The following FAM3A variants were observed in gnomAD, a reference collection of about 807,000 sequenced individuals.
The protein encoded by FAM3A is protein FAM3A.
In FAM3A, 5 loss-of-function variants were observed where a neutral mutation model predicts 18.1. The observed-to-expected ratio is 0.28, with a 90% confidence interval of 0.14 to 0.58. FAM3A has a LOEUF of 0.58. Ranked by LOEUF, FAM3A falls within the 20% of genes least tolerant of loss-of-function variation. FAM3A has a pLI of 0.91. For synonymous variants in FAM3A, 108 were observed against 90.2 expected (o/e 1.20, Z -1.12); for missense variants, 154 against 216.6 (o/e 0.71, Z 1.81).
chrX:154,512,236 T>C (rs2069919125), intron 2 of FAM3A: 1 of 6,267 alleles, frequency 1.6e-4, no homozygotes, highest in Non-Finnish European at 2.9e-4. Context: ...ACAATAATAA[T>C]AATAATAATA....
Position 154,512,892 on chromosome X carries a change from A to G in FAM3A, c.58T>C (p.Trp20Arg), listed in dbSNP as rs1207168146. The G allele has an allele frequency of 1.7e-6, 2 of 1,209,784 alleles. No homozygotes were observed. The highest frequency in any genetic ancestry group is 2.2e-6 in the Non-Finnish European group (2 of 894,713). The change falls in exon 2 of 9, where the codon TGG (tryptophan) becomes CGG (arginine). Residue 20 changes from tryptophan (W) to arginine (R), a missense_variant. By Grantham distance (101) the Trp-to-Arg change is moderately radical (BLOSUM62 -3). This residue lies in a region of FAM3A where 112 missense variants were observed against 160.0 expected (regional missense o/e 0.70). Coordinates refer to ENST00000447601, the MANE Select transcript of FAM3A (RefSeq NM_021806.4). ...VVLVVSVGVT[W>R]IVVSILLGGP... is the part of the protein sequence containing the mutation. The stretch of plus-strand genomic sequence containing the variant: ...CCCAGGAGGATGCTGACCACGATCC[A>G]TGTGACACCCACACTGACGACTAGG...
At chrX:154,507,356 G>C (rs370377808) in intron 7 of FAM3A, 27 bp from the exon 8 acceptor site, 34 of 1,210,374 alleles carry the variant, frequency 2.8e-5, no homozygotes, top group Non-Finnish European at 3.7e-5. Context: ...AGGGGTGTCA[G>C]CTGTTGCTGC....
In FAM3A at chrX:154,507,227, C is replaced by T; in HGVS notation, c.573G>A (p.Val191=). Residue 191 remains valine (V), a synonymous_variant, in exon 8 of 9, where the codon GTG becomes GTA. Transcript: ENST00000447601. ...CCTGCTCAAAGGGGCTCTTGTTCTG[C>T]ACACCCTTGGCCCCGACAAACACCC... ...DSWVFVGAKG[V]QNKSPFEQHV... 2 of 1,207,038 alleles carry T rather than the reference C, an allele frequency of 1.7e-6. No homozygotes were observed. Among genetic ancestry groups the T allele is most frequent in the Non-Finnish European group, 2.2e-6 (2 of 893,156 alleles).
chrX:154,515,852 G>A lies in FAM3A; in HGVS notation c.-80C>T. 9.1e-7 allele frequency: 1 copy of A among 1,094,519 alleles called. No homozygotes were observed. The highest frequency in any genetic ancestry group is 1.3e-6 in the Non-Finnish European group (1 of 792,169). 90.2% of individuals were successfully genotyped at this position (1,094,519 alleles called of 1,213,427 possible). ...AGCGGAAGGACAGGTTTGGGTGGGG[G>A]TCAGGGGCAAGCCTGTGCGGGACCC... On this transcript the variant is annotated 5_prime_UTR_variant, in exon 1 of 9. Transcript: ENST00000447601.
At position 154,507,238 on chromosome X, in the gene FAM3A, C is replaced by A; in HGVS notation, c.562G>T (p.Ala188Ser). 1 of 1,208,710 alleles carries A rather than the reference C, an allele frequency of 8.3e-7. No homozygotes were observed. The highest frequency in any genetic ancestry group is 1.1e-6 in the Non-Finnish European group (1 of 894,014). ...GGGCTCTTGTTCTGCACACCCTTGGCCCCGACAAACACCCAGCTGTCCCGG... is the reference window on the plus strand; with the variant it reads ...GGGCTCTTGTTCTGCACACCCTTGGACCCGACAAACACCCAGCTGTCCCGG... Reference protein sequence around the residue: ...AFRDSWVFVGAKGVQNKSPFE... With the variant: ...AFRDSWVFVGSKGVQNKSPFE... Residue 188 changes from alanine (A) to serine (S), a missense_variant, in exon 8 of 9, where the codon GCC becomes TCC. Transcript: ENST00000447601.
intron 3 of FAM3A, chrX:154,508,841 G>A: frequency 2.1e-6 from 1 of 487,785 alleles, no homozygotes; most frequent in Non-Finnish European, 3.8e-6. Flanking sequence ...GATGCTGAGG[G>A]CTGGCCTGGG....
intron 5 of FAM3A, 134 bp downstream of exon 5, chrX:154,508,155 G>A (rs782370560): frequency 5.5e-5 from 27 of 494,858 alleles, no homozygotes; most frequent in East Asian, 4.5e-4. Flanking sequence ...GGAGCCTTGC[G>A]CTTGCACAGA....
rs1603401135 is a variant in FAM3A, at chrX:154,506,729, G to A, written c.*82C>T. 7.5e-6 allele frequency: 6 copies of A among 802,268 alleles called. No homozygotes were observed. The East Asian group carries it at 2.0e-4, about 26-fold the overall frequency. 66.1% of individuals were successfully genotyped at this position (802,268 alleles called of 1,213,427 possible). ...GCGCTCCTGCCCGGGTGTGGGGTGT[G>A]AGCCTCAGCCTCTGTCCGCCCGGCA... On this transcript the variant is annotated 3_prime_UTR_variant, in exon 9 of 9. Transcript: ENST00000447601.
chrX:154,513,322 G>T (rs2069996640), intron 1 of FAM3A, among the ~76,000 whole-genome samples: 1 of 111,418 alleles, frequency 9.0e-6, no homozygotes, highest in Non-Finnish European at 1.9e-5. Flanking sequence ...AGGGAGAAGG[G>T]TCCCTACTCC....
Position 154,516,146 on chromosome X carries a change from G to A in FAM3A, c.-374C>T, listed in dbSNP as rs1426169422. 2 of 154,901 alleles carry A rather than the reference G, an allele frequency of 1.3e-5. No homozygotes were observed. Among genetic ancestry groups the A allele is most frequent in the Admixed American group, 1.7e-4 (2 of 11,950 alleles). 12.8% of individuals were successfully genotyped at this position (154,901 alleles called of 1,213,427 possible). A position where few individuals can be genotyped will look rare whatever the true frequency, so the allele number is the denominator to read the frequency against. On this transcript the variant is annotated 5_prime_UTR_variant, in exon 1 of 9. Coordinates refer to ENST00000447601, the MANE Select transcript of FAM3A (RefSeq NM_021806.4). ...GTGGGGAGACGTGGGCTCGGTCAGG[G>A]AGGTTCCCTGTCAGGCCCGCCGACC...
Position 154,507,799 on chromosome X carries a change from G to A in FAM3A, c.385+12C>T, listed in dbSNP as rs368524798. On this transcript the variant is annotated intron_variant, in intron 6 of 8. Transcript: ENST00000447601. ...CTGCAGTCAAAATGCAAGACGCTGC[G>A]CTGCAACTCACCTCCGGCCCACATG... The A allele has an allele frequency of 1.3e-4, 148 of 1,181,750 alleles. No homozygotes were observed. The highest frequency in any genetic ancestry group is 2.4e-4 in the Middle Eastern group (1 of 4,177).
intron 1 of FAM3A, among the ~76,000 whole-genome samples, chrX:154,513,173 C>T (rs1272355263): frequency 5.4e-5 from 6 of 111,538 alleles, no homozygotes; most frequent in Non-Finnish European, 9.4e-5. Flanking sequence ...TTTTCCCTGG[C>T]GGGTCTGGGA....
chrX:154,507,554 C>T lies in FAM3A; in HGVS notation c.386-64G>A, dbSNP rs962521045. On this transcript the variant is annotated intron_variant, in intron 6 of 8. Coordinates refer to ENST00000447601, the MANE Select transcript of FAM3A (RefSeq NM_021806.4). ...ACCACTGAGCACCCTCCCACAAGCCCGTTCTCCAAACAAGGAAACAGAAGT... is the reference window on the plus strand; with the variant it reads ...ACCACTGAGCACCCTCCCACAAGCCTGTTCTCCAAACAAGGAAACAGAAGT... 33 of 1,079,360 alleles carry T rather than the reference C, an allele frequency of 3.1e-5. No individual in the cohort carries two copies. In the Admixed American group the frequency reaches 7.1e-4, roughly 23 times the overall value. 89.0% of individuals were successfully genotyped at this position (1,079,360 alleles called of 1,213,427 possible).
At chrX:154,513,943 C>T (rs2070035248) in intron 1 of FAM3A, among the ~76,000 whole-genome samples, 1 of 110,644 alleles carries the variant, frequency 9.0e-6, no homozygotes, top group Non-Finnish European at 1.9e-5. Context: ...TCTGGCCTGG[C>T]TTCCACCACC....
At position 154,516,095 on chromosome X, in the gene FAM3A, G is replaced by A. The variant is rs1041735002; in HGVS notation, c.-323C>T. 35 of 224,306 alleles carry A rather than the reference G, an allele frequency of 1.6e-4. No homozygotes were observed. The East Asian group carries it at 2.5e-3, about 16-fold the overall frequency. The allele number at this position is 224,306 out of a possible 1,213,427, so 18.5% of individuals were successfully genotyped here. On this transcript the variant is annotated 5_prime_UTR_variant, in exon 1 of 9. Coordinates refer to ENST00000447601, the MANE Select transcript of FAM3A (RefSeq NM_021806.4). ...CTCCGGGCCTGGGGGCTGGCGATGC[G>A]GGCCGGGCCGGAGATTTCTCTGGCC...
chrX:154,512,658 G>A (rs1181917750), intron 2 of FAM3A, among the ~76,000 whole-genome samples, 165 bp downstream of exon 2: 3 of 111,592 alleles, frequency 2.7e-5, no homozygotes, highest in African/African-American at 9.8e-5. Context: ...GGTGTTGGGG[G>A]AGGCTGCGCC....
Position 154,507,835 on chromosome X carries a change from G to C in FAM3A, c.361C>G (p.Arg121Gly). ...CCTCCGGCCCACATGTCAAAGGCCC[G>C]GGCCTCGATGAGCTCGCCGCTGACC... ...NGVSGELIEA[R>G]AFDMWAGDVN... is the part of the protein sequence containing the mutation. Residue 121 changes from arginine to glycine, a missense_variant, in exon 6 of 9, where the codon CGG becomes GGG. Physicochemically the swap from Arg to Gly is moderately radical, Grantham distance 125. This residue lies in a region of FAM3A where 112 missense variants were observed against 160.0 expected (regional missense o/e 0.70). Transcript: ENST00000447601. The C allele has an allele frequency of 8.4e-7, 1 of 1,194,138 alleles. No individual in the cohort carries two copies. Among genetic ancestry groups the C allele is most frequent in the Admixed American group, 2.3e-5 (1 of 43,888 alleles).
At chrX:154,514,769 G>C (rs1383026176) in intron 1 of FAM3A, among the ~76,000 whole-genome samples, 1 of 111,483 alleles carries the variant, frequency 9.0e-6, no homozygotes, top group Non-Finnish European at 1.9e-5. Context: ...GACTGGTCTC[G>C]AACTCTTGAC....
At chrX:154,507,581 G>C in intron 6 of FAM3A, 91 bp from the exon 7 acceptor site, 2 of 998,947 alleles carry the variant, frequency 2.0e-6, no homozygotes, top group East Asian at 3.3e-5. Flanking sequence ...AACAGAAGTA[G>C]GGATTGGGCC....
Sources: allele counts gnomAD v4.1 joint callset (sites outside exome capture counted in the v4.1 genomes callset), GRCh38; gene constraint gnomAD v4.1.1; regional missense constraint gnomAD v4.1.1; transcripts MANE v1.5; gene names NCBI Gene and HGNC (gene_info 2026-07-23, HGNC 2026-07-21).